XYLT1: variants seen among roughly 807,000 people sequenced by gnomAD.
The protein encoded by XYLT1 is beta-D-xylosyltransferase 1.
Under a neutral mutation model 91.3 loss-of-function variants are expected in XYLT1, and 36 were observed. The ratio of observed to expected loss-of-function variants is 0.39; its 90% CI spans 0.30 to 0.52. The LOEUF is 0.52. Ranked by LOEUF, XYLT1 falls within the 20% of genes least tolerant of loss-of-function variation. The pLI, the probability that XYLT1 is intolerant of heterozygous loss-of-function variation, is 0.68. For missense variants in XYLT1, 1,242 were observed against 1,284.5 expected, an observed-to-expected ratio of 0.97 and a Z score of 0.51; for synonymous variants, 588 against 532.0, an observed-to-expected ratio of 1.11 and a Z score of -1.45.
intron 6 of XYLT1, among the ~76,000 whole-genome samples, chr16:17,153,412 T>C (rs1385169510): frequency 6.6e-6 from 1 of 152,182 alleles, no homozygotes; most frequent in African/African-American, 2.4e-5. Context: ...AAGAGGCCCC[T>C]TAATATTCTG....
chr16:17,141,017 C>G, intron 7 of XYLT1, 136 bp downstream of exon 7: 3 of 847,870 alleles, frequency 3.5e-6, no homozygotes, highest in South Asian at 3.2e-5. Context: ...CCTGCTAAGA[C>G]AGCAAGGATG....
rs1454749064 is a variant in XYLT1 at position 17,418,674 on chromosome 16, C to T, written c.363+51760G>A. 4.6e-5 allele frequency among the ~76,000 whole-genome samples: 7 copies of T among 152,140 alleles called. No homozygotes were observed. The East Asian group carries it at 1.2e-3, about 25-fold the overall frequency. ...ACCAGCCTGGGCAATATGGCAAAAC[C>T]CTGTCTCTACAAAAAATACAAAAAT... On this transcript the variant is annotated intron_variant, in intron 1 of 11. Transcript: ENST00000261381.
At chr16:17,172,488 T>G (rs2031846419) in intron 5 of XYLT1, among the ~76,000 whole-genome samples, 1 of 137,022 alleles carries the variant, frequency 7.3e-6, no homozygotes, top group Non-Finnish European at 1.6e-5. Flanking sequence ...TTTTTTTTTT[T>G]GAGACGGAGT....
At chr16:17,260,575 G>A (rs991315043) in intron 2 of XYLT1, among the ~76,000 whole-genome samples, 2 of 152,088 alleles carry the variant, frequency 1.3e-5, no homozygotes, top group African/African-American at 2.4e-5. Context: ...AAAAGGTGTC[G>A]GGGCCTGAAC....
intron 1 of XYLT1, among the ~76,000 whole-genome samples, chr16:17,409,737 A>T (rs2036083930): frequency 6.6e-6 from 1 of 151,826 alleles, no homozygotes; most frequent in Non-Finnish European, 1.5e-5. Context: ...TTTAGTAGAG[A>T]TGGGGTTTCA....
chr16:17,279,662 GCTT>G (rs2034029148), intron 2 of XYLT1, among the ~76,000 whole-genome samples: 1 of 152,190 alleles, frequency 6.6e-6, no homozygotes, highest in Admixed American at 6.5e-5. Context: ...TGAGGGGTCA[GCTT>G]CTTCAGCATC....
chr16:17,467,515 C>G (rs2036914077), intron 1 of XYLT1, among the ~76,000 whole-genome samples: 1 of 152,120 alleles, frequency 6.6e-6, no homozygotes, highest in Non-Finnish European at 1.5e-5. Context: ...CCCAATAATT[C>G]TAATATTTAA....
intron 2 of XYLT1, among the ~76,000 whole-genome samples, chr16:17,357,527 C>T (rs2035319066): frequency 6.6e-6 from 1 of 152,194 alleles, no homozygotes. Flanking sequence ...ACGGAAATGC[C>T]ACTGCAATCA....
chr16:17,236,616 G>A (rs1211819800), intron 3 of XYLT1, among the ~76,000 whole-genome samples: 1 of 152,194 alleles, frequency 6.6e-6, no homozygotes, highest in Non-Finnish European at 1.5e-5. Flanking sequence ...GCCGGAGGCT[G>A]GAGGTCCAAG....
intron 1 of XYLT1, among the ~76,000 whole-genome samples, chr16:17,383,530 C>A (rs560044903): frequency 6.6e-6 from 1 of 151,860 alleles, no homozygotes; most frequent in Non-Finnish European, 1.5e-5. Flanking sequence ...GTCTGACATA[C>A]GGTCCTGGCT....
At chr16:17,430,603 T>C (rs4781981) in intron 1 of XYLT1, among the ~76,000 whole-genome samples, 55,838 of 152,100 alleles carry the variant, frequency 0.37, 11,680 homozygotes, top group African/African-American at 0.55. Flanking sequence ...AGGGTGCCTC[T>C]CATGGCTCCT....
At chr16:17,172,104 G>A (rs937045248) in intron 5 of XYLT1, among the ~76,000 whole-genome samples, 1 of 152,146 alleles carries the variant, frequency 6.6e-6, no homozygotes, top group African/African-American at 2.4e-5. Flanking sequence ...CTGTTAGCAT[G>A]GGTACTCGGT....
rs1228190225 is a variant in XYLT1 at position 17,275,478 on chromosome 16, G to A, written c.403-15980C>T. On this transcript the variant is annotated intron_variant, in intron 2 of 11. Coordinates refer to ENST00000261381, the MANE Select transcript of XYLT1 (RefSeq NM_022166.4). ...CTGATCTTTGGCCTGGGGTGGGGAAGGGAGGAGTCCAGAAGTAAGAGAGTT... is the reference window on the plus strand; with the variant it reads ...CTGATCTTTGGCCTGGGGTGGGGAAAGGAGGAGTCCAGAAGTAAGAGAGTT... 2.6e-5 allele frequency among the ~76,000 whole-genome samples: 4 copies of A among 152,142 alleles called. No homozygotes were observed. The East Asian group carries it at 7.7e-4, about 29-fold the overall frequency.
At chr16:17,396,486 A>G (rs2035888434) in intron 1 of XYLT1, among the ~76,000 whole-genome samples, 1 of 152,190 alleles carries the variant, frequency 6.6e-6, no homozygotes, top group South Asian at 2.1e-4. Flanking sequence ...CTCCTGGCAC[A>G]CAGTAAGTGC....
intron 1 of XYLT1, among the ~76,000 whole-genome samples, chr16:17,400,604 A>AGAGG (rs1256334595): frequency 1.6e-5 from 2 of 121,416 alleles, no homozygotes; most frequent in South Asian, 3.1e-4. Flanking sequence ...AAAAAGAAAG[A>AGAGG]GAGGGAGGGA....
At chr16:17,245,197 G>A (rs74729030) in intron 3 of XYLT1, among the ~76,000 whole-genome samples, 3,934 of 152,278 alleles carry the variant, frequency 0.026, 88 homozygotes, top group Non-Finnish European at 0.043. Context: ...TTGACTTGAG[G>A]AATTAGATTT....
chr16:17,109,388 A>G (rs1201470523), intron 11 of XYLT1, among the ~76,000 whole-genome samples: 8 of 152,244 alleles, frequency 5.3e-5, no homozygotes, highest in Non-Finnish European at 1.5e-5. Context: ...GTCTCATTTG[A>G]TAAAGACATA....
chr16:17,341,492 T>C (rs1478429478), intron 2 of XYLT1, among the ~76,000 whole-genome samples: 1 of 152,210 alleles, frequency 6.6e-6, no homozygotes, highest in African/African-American at 2.4e-5. Context: ...TGATGTTCCA[T>C]TTCAAGGAAA....
At chr16:17,364,653 G>T (rs2035426120) in intron 1 of XYLT1, among the ~76,000 whole-genome samples, 1 of 152,114 alleles carries the variant, frequency 6.6e-6, no homozygotes, top group African/African-American at 2.4e-5. Context: ...CTTACTTTAT[G>T]CCAAGCATAC....
Sources: gnomAD v4.1 joint callset for allele counts (sites outside exome capture counted in the v4.1 genomes callset) on GRCh38, gnomAD v4.1.1 for gene constraint, MANE v1.5 for transcripts, NCBI Gene and HGNC (gene_info 2026-07-23, HGNC 2026-07-21) for gene names.